PPIE: variants seen among roughly 807,000 people sequenced by gnomAD.
PPIE encodes peptidyl-prolyl cis-trans isomerase E.
Under a neutral mutation model 38.4 loss-of-function variants are expected in PPIE, and 20 were observed. The ratio of observed to expected loss-of-function variants is 0.52; its 90% CI spans 0.37 to 0.76. The LOEUF (loss-of-function observed/expected upper bound fraction) is 0.76. Ranked by LOEUF, PPIE falls within the 30% of genes least tolerant of loss-of-function variation. PPIE has a pLI of 0.00. For synonymous variants in PPIE, 142 were observed against 135.7 expected (o/e 1.05, Z -0.32); for missense variants, 322 against 385.8 (o/e 0.83, Z 1.39).
At chr1:39,743,704 C>T (rs1647119383) in intron 5 of PPIE, 120 bp from the exon 6 acceptor site, 7 of 742,122 alleles carry the variant, frequency 9.4e-6, no homozygotes, top group Non-Finnish European at 1.6e-5. Context: ...TGGGAGTTCT[C>T]AGTGGGGAAT....
chr1:39,743,708 G>A (rs768588874), intron 5 of PPIE, 116 bp from the exon 6 acceptor site: 7 of 765,812 alleles, frequency 9.1e-6, no homozygotes, highest in African/African-American at 1.7e-5. Context: ...AGTTCTCAGT[G>A]GGGAATTGTC....
Position 39,752,988 on chromosome 1 carries a change from T to C in PPIE, c.773T>C (p.Leu258Pro). 6.2e-7 allele frequency: 1 copy of C among 1,614,232 alleles called. No individual in the cohort carries two copies. The highest frequency in any genetic ancestry group is 1.1e-5 in the South Asian group (1 of 91,080). Residue 258 changes from leucine to proline, a missense_variant, in exon 9 of 10, where the codon CTG becomes CCG. Leu to Pro is a moderately conservative substitution (Grantham distance 98, BLOSUM62 -3). Transcript: ENST00000324379. ...CTGACATGTGACAAGACAGACTGGCTGGATGGCAAGCATGTGGTGTTTGGA... is the reference window on the plus strand; with the variant it reads ...CTGACATGTGACAAGACAGACTGGCCGGATGGCAAGCATGTGGTGTTTGGA... The part of the protein sequence containing the change: ...FFLTCDKTDW[L>P]DGKHVVFGEV...
Position 39,741,411 on chromosome 1 carries a change from TGA to T in PPIE, c.174+6_174+7del, listed in dbSNP as rs1246017891. On this transcript the variant is annotated splice_donor_region_variant and intron_variant, in intron 3 of 9. Coordinates refer to ENST00000324379, the MANE Select transcript of PPIE (RefSeq NM_006112.4). ...TTTGTTGAATTTGAGTTGGCAGAGGTGAGAGTCTGTGTTACTAGTGTCTAGTC... is the reference window on the plus strand; with the variant it reads ...TTTGTTGAATTTGAGTTGGCAGAGGTGAGTCTGTGTTACTAGTGTCTAGTC... 2.5e-6 allele frequency: 4 copies of T among 1,613,842 alleles called. No homozygotes were observed. The South Asian group carries it at 4.4e-5, about 18-fold the overall frequency.
rs751468254 is a variant in PPIE at position 39,756,684 on chromosome 1, T to A, written c.*3329T>A. ...ATATATAGTACAGTGTGATCCCAAT[T>A]TTGTAAAAATATCTGTAATATGTAA... On this transcript the variant is annotated 3_prime_UTR_variant, in exon 10 of 10. Coordinates refer to ENST00000324379, the MANE Select transcript of PPIE (RefSeq NM_006112.4). The A allele has an allele frequency of 2.8e-4, 244 of 874,112 alleles. No homozygotes were observed. The highest frequency in any genetic ancestry group is 2.5e-4 in the Non-Finnish European group (182 of 728,476). 54.1% of individuals were successfully genotyped at this position (874,112 alleles called of 1,614,324 possible).
intron 9 of PPIE, chr1:39,763,102 A>G (rs763733184): frequency 5.0e-6 from 8 of 1,613,948 alleles, no homozygotes; most frequent in Non-Finnish European, 6.8e-6. Flanking sequence ...CAGGGACTGC[A>G]GGATGGCGTG....
chr1:39,740,396 C>A, intron 2 of PPIE, 133 bp downstream of exon 2: 1 of 659,166 alleles, frequency 1.5e-6, no homozygotes, highest in East Asian at 2.9e-5. Context: ...AGGAAGGTGT[C>A]TGGTGACAGT....
In PPIE at chr1:39,752,966, ACATGT is replaced by A. The variant is rs774212812; in HGVS notation, c.752_756del (p.Thr251ArgfsTer27). 2 of 1,614,194 alleles carry A rather than the reference ACATGT, an allele frequency of 1.2e-6. No homozygotes were observed. Among genetic ancestry groups the A allele is most frequent in the Non-Finnish European group, 1.7e-6 (2 of 1,180,040 alleles). ...CACCAATGGCTCTCAGTTCTTCCTG[ACATGT>A]GACAAGACAGACTGGCTGGATGGCA... On this transcript the variant is annotated frameshift_variant, in exon 9 of 10. Transcript: ENST00000324379. LOFTEE classifies it high-confidence loss of function.
At chr1:39,760,405 C>T (rs1648775623), downstream of PPIE, 2 of 1,613,054 alleles carry the variant, frequency 1.2e-6, no homozygotes, top group Non-Finnish European at 8.5e-7. Flanking sequence ...TGCAGCTGGG[C>T]CGGGCGGGTG....
intron 8 of PPIE, among the ~76,000 whole-genome samples, chr1:39,752,627 A>G (rs1452077423): frequency 6.6e-6 from 1 of 152,226 alleles, no homozygotes; most frequent in Non-Finnish European, 1.5e-5. Context: ...TCTGCTCATC[A>G]GTGTTCCCAG....
intron 3 of PPIE, 55 bp downstream of exon 3, chr1:39,741,464 T>A (rs1182903042): frequency 6.3e-7 from 1 of 1,579,032 alleles, no homozygotes; most frequent in African/African-American, 1.3e-5. Flanking sequence ...TGTTACTGAT[T>A]ACAAAGGAAG....
intron 6 of PPIE, among the ~76,000 whole-genome samples, chr1:39,744,361 T>C (rs1424466324): frequency 1.3e-5 from 2 of 152,190 alleles, no homozygotes; most frequent in African/African-American, 4.8e-5. Context: ...TGTACATGGG[T>C]TCAGGGTTCT....
chr1:39,741,340 C>G (rs1366470083), intron 2 of PPIE, 26 bp from the exon 3 acceptor site: 1 of 1,611,570 alleles, frequency 6.2e-7, no homozygotes, highest in Admixed American at 1.7e-5. Context: ...ATAGTAATTA[C>G]TTGTTTTTGT....
chr1:39,751,136 A>G (rs1367551258), intron 8 of PPIE, among the ~76,000 whole-genome samples: 1 of 152,232 alleles, frequency 6.6e-6, no homozygotes, highest in African/African-American at 2.4e-5. Flanking sequence ...TATTGGTGAT[A>G]CGGCTTTGTG....
At position 39,755,199 on chromosome 1, in the gene PPIE, C is replaced by G. The variant is rs1025214749; in HGVS notation, c.*1844C>G. On this transcript the variant is annotated 3_prime_UTR_variant, in exon 10 of 10. Transcript: ENST00000324379. ...ACTGAGTCCTGTAGCTGTTGGACAC[C>G]TCCTGTGGGTTGGGTCACTCAGACC... is the stretch of plus-strand genomic sequence containing the variant. 85 of 985,336 alleles carry G rather than the reference C, an allele frequency of 8.6e-5. No homozygotes were observed. Among genetic ancestry groups the G allele is most frequent in the Non-Finnish European group, 1.0e-4 (84 of 829,954 alleles). The allele number at this position is 985,336 out of a possible 1,614,324, so 61.0% of individuals were successfully genotyped here. A position where few individuals can be genotyped will look rare whatever the true frequency, so the allele number is the denominator to read the frequency against.
chr1:39,738,980 A>G lies in PPIE; in HGVS notation c.31+49A>G, dbSNP rs540715410. On this transcript the variant is annotated intron_variant, in intron 1 of 9. Transcript: ENST00000324379. ...GGAGTCTGAGTGAACGCGACCCCCA[A>G]GGGTCGGGGCGTGGGGTGGGACGCA... is the stretch of plus-strand genomic sequence containing the variant. 173 of 1,408,088 alleles carry G rather than the reference A, an allele frequency of 1.2e-4. 6 individuals are homozygous for G. The South Asian group carries it at 2.7e-3, about 22-fold the overall frequency. 87.2% of individuals were successfully genotyped at this position (1,408,088 alleles called of 1,614,324 possible).
chr1:39,750,494 G>A (rs1006915546), intron 8 of PPIE, among the ~76,000 whole-genome samples: 2 of 152,192 alleles, frequency 1.3e-5, no homozygotes, highest in African/African-American at 4.8e-5. Flanking sequence ...ATACTTACCA[G>A]TTGAGCATCC....
intron 7 of PPIE, chr1:39,746,541 A>G (rs1647210687): frequency 6.6e-6 from 1 of 152,248 alleles, no homozygotes; most frequent in South Asian, 2.1e-4. Flanking sequence ...TTAACCTACC[A>G]AAGACTAGAC....
chr1:39,743,885 G>A lies in PPIE; in HGVS notation c.345G>A (p.Glu115=). 1 of 1,613,820 alleles carries A rather than the reference G, an allele frequency of 6.2e-7. No homozygotes were observed. The highest frequency in any genetic ancestry group is 2.2e-5 in the East Asian group (1 of 44,884). The part of the protein sequence containing the change: ...FSGKTLEENK[E]EEGSEPPKAE... ...GGAAGACGCTTGAAGAGAATAAAGA[G>A]GAAGAAGGGTCAGAGCCTCCCAAAG... Residue 115 remains glutamate (E), a synonymous_variant, in exon 6 of 10, where the codon GAG becomes GAA. Transcript: ENST00000324379.
intron 6 of PPIE, among the ~76,000 whole-genome samples, chr1:39,744,222 G>A (rs1171144420): frequency 3.3e-5 from 5 of 152,180 alleles, no homozygotes; most frequent in Admixed American, 2.6e-4. Flanking sequence ...AGGAAGCTGA[G>A]GTGCCCCTCT....
Sources: gnomAD v4.1 joint callset for allele counts (sites outside exome capture counted in the v4.1 genomes callset) on GRCh38, gnomAD v4.1.1 for gene constraint, MANE v1.5 for transcripts, NCBI Gene and HGNC (gene_info 2026-07-23, HGNC 2026-07-21) for gene names.